Variants in RAG1 observed in about 807,000 individuals in gnomAD.
The protein encoded by RAG1 is V(D)J recombination-activating protein 1.
Under a neutral mutation model 62.7 loss-of-function variants are expected in RAG1, and 35 were observed. That is an observed-to-expected ratio of 0.56 (90% CI 0.43 to 0.74). The LOEUF (loss-of-function observed/expected upper bound fraction) is 0.74, where lower values mean the gene tolerates loss of function less well. Among genes scored for constraint, RAG1 ranks in the 30% least tolerant of loss-of-function variants. The pLI, the probability that RAG1 is intolerant of heterozygous loss-of-function variation, is 0.00. For synonymous variants in RAG1, 461 were observed against 470.3 expected, an observed-to-expected ratio of 0.98 and a Z score of 0.26; for missense variants, 1,169 against 1,278.6, an observed-to-expected ratio of 0.91 and a Z score of 1.31.
Position 36,550,929 on chromosome 11 carries a change from C to A in RAG1, c.-411-12456C>A, listed in dbSNP as rs138607312. On this transcript the variant is annotated intron_variant and NMD_transcript_variant, in intron 3 of 9. Transcript: ENST00000534663. Reference sequence around the variant, plus strand: ...ATCACTTTATCTAAGGAATTGGGAACTTTTGATTGGCTGGCCTTGGTTCAG... The same window carrying A: ...ATCACTTTATCTAAGGAATTGGGAAATTTTGATTGGCTGGCCTTGGTTCAG... Among the ~76,000 whole-genome samples the A allele has an allele frequency of 2.4e-3, 358 of 152,238 alleles. 1 individual carries two copies. The highest frequency in any genetic ancestry group is 8.3e-3 in the African/African-American group (346 of 41,544).
chr11:36,545,150 A>G (rs1284121317), intron 3 of RAG1, among the ~76,000 whole-genome samples: 1 of 152,198 alleles, frequency 6.6e-6, no homozygotes, highest in East Asian at 1.9e-4. Context: ...TTTTTTACAC[A>G]TATCTTTTTT....
In RAG1 at chr11:36,574,454, G is replaced by A; in HGVS notation, c.1150G>A (p.Glu384Lys). 1 of 1,614,240 alleles carries A rather than the reference G, an allele frequency of 6.2e-7. No homozygotes were observed. Among genetic ancestry groups the A allele is most frequent in the Non-Finnish European group, 8.5e-7 (1 of 1,180,056 alleles). Residue 384 changes from glutamate to lysine, a missense_variant, in exon 2 of 2, where the codon GAG (glutamate) becomes AAG (lysine). Glu to Lys is a moderately conservative substitution (Grantham distance 56). Transcript: ENST00000299440. ...HHISSHKESK[E>K]IFVHINKGGR... ...CATCTCAAGTCACAAGGAATCAAAA[G>A]AGATTTTTGTGCACATTAATAAAGG... is the stretch of plus-strand genomic sequence containing the variant.
chr11:36,513,047 C>T lies in RAG1; in HGVS notation n.330+2009C>T, dbSNP rs137877802. On this transcript the variant is annotated intron_variant and non_coding_transcript_variant, in intron 1 of 2. Transcript: ENST00000529126. ...TGAATGGATCAATGCCATTATCATG[C>T]GAGTGAATTCGTTATTCTGGGAGTA... 5.3e-5 allele frequency among the ~76,000 whole-genome samples: 8 copies of T among 152,264 alleles called. No individual in the cohort carries two copies. The South Asian group carries it at 8.3e-4, about 16-fold the overall frequency.
upstream of RAG1, among the ~76,000 whole-genome samples, chr11:36,563,142 ATG>A (rs1850614344): frequency 6.6e-6 from 1 of 152,200 alleles, no homozygotes; most frequent in Non-Finnish European, 1.5e-5. Context: ...GGTTAATCTT[ATG>A]TGTCAGCTTG....
intron 3 of RAG1, among the ~76,000 whole-genome samples, chr11:36,541,799 A>G (rs1005194682): frequency 6.6e-6 from 1 of 152,148 alleles, no homozygotes; most frequent in Non-Finnish European, 1.5e-5. Flanking sequence ...TACTTAGGTT[A>G]TAAGTCAAAT....
intron 3 of RAG1, among the ~76,000 whole-genome samples, chr11:36,561,871 C>T (rs575906773): frequency 2.6e-5 from 4 of 152,222 alleles, no homozygotes; most frequent in East Asian, 3.9e-4. Context: ...TTATTGGCTC[C>T]GTTTTTCTGA....
At chr11:36,531,563 G>T (rs1367758588) in intron 2 of RAG1, among the ~76,000 whole-genome samples, 1 of 151,736 alleles carries the variant, frequency 6.6e-6, no homozygotes, top group Non-Finnish European at 1.5e-5. Flanking sequence ...CAGTCTACTG[G>T]TATCATTTTA....
exon 3 of RAG1, chr11:36,535,995 T>C (rs1053121641): frequency 1.1e-4 from 16 of 152,198 alleles, no homozygotes; most frequent in African/African-American, 3.6e-4. Context: ...ACCAGGTGGA[T>C]ATCTATCAAG....
chr11:36,524,579 C>T lies in RAG1; in HGVS notation n.428+4350C>T, dbSNP rs185784357. Among the ~76,000 whole-genome samples, 3 of 151,722 alleles carry T rather than the reference C, an allele frequency of 2.0e-5. No homozygotes were observed. The East Asian group carries it at 5.8e-4, about 29-fold the overall frequency. ...CAGTGCACACTGCAGGCTCCACCTT[C>T]CCTCGCTCAGGTGATCCTTCCACCT... On this transcript the variant is annotated intron_variant and non_coding_transcript_variant, in intron 2 of 2. Transcript: ENST00000529126.
chr11:36,549,481 C>T (rs888396308), intron 3 of RAG1, among the ~76,000 whole-genome samples: 3 of 152,220 alleles, frequency 2.0e-5, no homozygotes, highest in East Asian at 1.9e-4. Context: ...ACAGACATTT[C>T]TCAAAAGAAG....
chr11:36,537,047 C>T (rs567062668), downstream of RAG1, among the ~76,000 whole-genome samples: 20 of 151,518 alleles, frequency 1.3e-4, no homozygotes, highest in Middle Eastern at 3.2e-3. Flanking sequence ...AGTGAGCCAC[C>T]GTGCCCGGCC....
chr11:36,562,277 G>A (rs1180257642), intron 3 of RAG1, among the ~76,000 whole-genome samples: 1 of 152,214 alleles, frequency 6.6e-6, no homozygotes, highest in East Asian at 1.9e-4. Context: ...GAGAAAGACT[G>A]TAAGAGGAGT....
In RAG1 at chr11:36,577,710, TA is replaced by T. The variant is rs1850873484; in HGVS notation, c.*1275del. On this transcript the variant is annotated 3_prime_UTR_variant, in exon 2 of 2. Coordinates refer to ENST00000299440, the MANE Select transcript of RAG1 (RefSeq NM_000448.3). ...TTTAAATGATTTGCTCAAAGTCATT[TA>T]GGGGTAATAAATACTTGGCTTGGAA... The T allele has an allele frequency of 6.0e-6, 1 of 167,226 alleles. No homozygotes were observed. The highest frequency in any genetic ancestry group is 1.5e-5 in the Non-Finnish European group (1 of 68,126). 10.4% of individuals were successfully genotyped at this position (167,226 alleles called of 1,614,324 possible).
chr11:36,523,206 T>C (rs1183815606), intron 2 of RAG1, among the ~76,000 whole-genome samples: 2 of 152,206 alleles, frequency 1.3e-5, no homozygotes, highest in South Asian at 4.1e-4. Context: ...TCATCTTGTA[T>C]CTCCCATAAT....
Position 36,573,345 on chromosome 11 carries a change from C to A in RAG1, c.41C>A (p.Ala14Asp). ...CCACCCACCTTGGGACTCAGTTCTG[C>A]CCCAGATGAAATTCAGCACCCACAT... ...SFPPTLGLSS[A>D]PDEIQHPHIK... The change falls in exon 2 of 2, where the codon GCC becomes GAC. Residue 14 changes from alanine (A) to aspartate (D), a missense_variant. By Grantham distance (126) the Ala-to-Asp change is moderately radical. Transcript: ENST00000299440. The A allele has an allele frequency of 6.2e-7, 1 of 1,614,114 alleles. No individual in the cohort carries two copies. The highest frequency in any genetic ancestry group is 8.5e-7 in the Non-Finnish European group (1 of 1,180,010).
At chr11:36,550,477 G>A (rs1003571272) in intron 3 of RAG1, among the ~76,000 whole-genome samples, 3 of 152,000 alleles carry the variant, frequency 2.0e-5, no homozygotes, top group Non-Finnish European at 4.4e-5. Context: ...TTTTAGAAAG[G>A]CATAGCTTCT....
At chr11:36,525,018 T>G in intron 2 of RAG1, among the ~76,000 whole-genome samples, 1 of 152,060 alleles carries the variant, frequency 6.6e-6, no homozygotes, top group Non-Finnish European at 1.5e-5. Context: ...TTTCTTTTCT[T>G]CCTTCCTTCC....
intron 1 of RAG1, among the ~76,000 whole-genome samples, chr11:36,572,738 G>A (rs1004808086): frequency 1.3e-5 from 2 of 152,294 alleles, no homozygotes; most frequent in Non-Finnish European, 2.9e-5. Flanking sequence ...ATCCTTTCAA[G>A]TAGTGAATAA....
intron 3 of RAG1, among the ~76,000 whole-genome samples, chr11:36,562,089 A>G (rs779031352): frequency 6.6e-6 from 1 of 152,182 alleles, no homozygotes; most frequent in African/African-American, 2.4e-5. Context: ...TCTAACCATG[A>G]TGGGGAACCA....
Sources: allele counts gnomAD v4.1 joint callset (sites outside exome capture counted in the v4.1 genomes callset), GRCh38; gene constraint gnomAD v4.1.1; transcripts MANE v1.5; gene names NCBI Gene and HGNC (gene_info 2026-07-23, HGNC 2026-07-21).